Variants in MAST2 observed in about 807,000 individuals in gnomAD.
The protein encoded by MAST2 is microtubule associated serine/threonine kinase 2, also known as microtubule-associated serine/threonine-protein kinase 2.
A neutral mutation model predicts 147.4 loss-of-function variants in MAST2; 70 were observed. That is an observed-to-expected ratio of 0.47 (90% CI 0.39 to 0.58). The LOEUF (loss-of-function observed/expected upper bound fraction) is 0.58, where lower values mean the gene tolerates loss of function less well. Among genes scored for constraint, MAST2 ranks in the 20% least tolerant of loss-of-function variants. The pLI, the probability that MAST2 is intolerant of heterozygous loss-of-function variation, is 0.00. For missense variants in MAST2, 2,080 were observed against 2,302.3 expected (o/e 0.90, Z 1.98); for synonymous variants, 869 against 896.8 (o/e 0.97, Z 0.55).
chr1:45,980,507 T>G (rs1288993689), intron 5 of MAST2, among the ~76,000 whole-genome samples: 2 of 152,186 alleles, frequency 1.3e-5, no homozygotes, highest in Non-Finnish European at 2.9e-5. Flanking sequence ...AGAATCAGTT[T>G]AAATATTTTC....
intron 3 of MAST2, among the ~76,000 whole-genome samples, chr1:45,830,130 T>C (rs1644908618): frequency 6.6e-6 from 1 of 150,902 alleles, no homozygotes; most frequent in Non-Finnish European, 1.5e-5. Context: ...GTGCTGGGAT[T>C]ACAGGTGTGG....
At chr1:45,826,502 A>G (rs1644796737) in intron 2 of MAST2, among the ~76,000 whole-genome samples, 1 of 151,944 alleles carries the variant, frequency 6.6e-6, no homozygotes, top group African/African-American at 2.4e-5. Flanking sequence ...ACAGGTGTGC[A>G]CCACCACACC....
intron 4 of MAST2, among the ~76,000 whole-genome samples, chr1:45,932,037 G>A (rs903859492): frequency 7.2e-5 from 11 of 152,192 alleles, no homozygotes; most frequent in Non-Finnish European, 1.2e-4. Context: ...ACAGGCTTTC[G>A]TTTTGTCCCA....
intron 4 of MAST2, among the ~76,000 whole-genome samples, chr1:45,904,494 G>A (rs1305382978): frequency 6.6e-6 from 1 of 150,938 alleles, no homozygotes; most frequent in Non-Finnish European, 1.5e-5. Flanking sequence ...TTTAGGCAGG[G>A]TCTGGCTATG....
At chr1:46,021,877 G>C in intron 11 of MAST2, 73 bp from the exon 12 acceptor site, 1 of 1,469,224 alleles carries the variant, frequency 6.8e-7, no homozygotes, top group Non-Finnish European at 9.5e-7. Context: ...TCTACTATAT[G>C]CTGTAAAACC....
intron 5 of MAST2, among the ~76,000 whole-genome samples, chr1:45,972,725 C>A (rs1643966545): frequency 6.6e-6 from 1 of 152,220 alleles, no homozygotes; most frequent in South Asian, 2.1e-4. Context: ...TGAACATTCC[C>A]TGCTCTGTCT....
intron 3 of MAST2, among the ~76,000 whole-genome samples, chr1:45,836,289 G>A (rs1356484874): frequency 2.0e-5 from 3 of 152,054 alleles, no homozygotes; most frequent in South Asian, 4.2e-4. Flanking sequence ...CCATCATAGT[G>A]GGTGTCAAGT....
At position 46,034,067 on chromosome 1, in the gene MAST2, C is replaced by A; in HGVS notation, c.3675-6C>A. On this transcript the variant is annotated splice_polypyrimidine_tract_variant and splice_region_variant and intron_variant, in intron 27 of 28. Coordinates refer to ENST00000361297, the MANE Select transcript of MAST2 (RefSeq NM_015112.3). ...CCGACTCAGCCTTTGACCCTTATCC[C>A]CGCAGCAGAAAAAGGAGCTCCCTGT... 6.2e-7 allele frequency: 1 copy of A among 1,611,986 alleles called. No individual in the cohort carries two copies. Among genetic ancestry groups the A allele is most frequent in the Non-Finnish European group, 8.5e-7 (1 of 1,178,866 alleles).
chr1:45,831,660 G>A (rs1041118592), intron 3 of MAST2, among the ~76,000 whole-genome samples: 4 of 151,778 alleles, frequency 2.6e-5, no homozygotes, highest in African/African-American at 9.7e-5. Context: ...TTTTTTTCCC[G>A]AAGCATTTCA....
chr1:46,019,576 A>G lies in MAST2; in HGVS notation c.1189-20A>G, dbSNP rs767486604. On this transcript the variant is annotated intron_variant, in intron 10 of 28. Coordinates refer to ENST00000361297, the MANE Select transcript of MAST2 (RefSeq NM_015112.3). ...GCCACACTGGGCCAATAGATTAAGC[A>G]ACGCTTCTTTTCTCTATAGGCTCAT... is the stretch of plus-strand genomic sequence containing the variant. The G allele has an allele frequency of 2.5e-6, 4 of 1,605,296 alleles. No individual in the cohort carries two copies. In the East Asian group the frequency reaches 8.9e-5, roughly 36 times the overall value.
intron 5 of MAST2, among the ~76,000 whole-genome samples, chr1:45,993,599 T>C (rs1644932295): frequency 1.3e-5 from 2 of 152,076 alleles, no homozygotes; most frequent in Admixed American, 1.3e-4. Flanking sequence ...CAGGAGAATC[T>C]TTTGAACCCA....
At chr1:46,022,133 C>T in intron 12 of MAST2, 51 bp downstream of exon 12, 1 of 1,605,922 alleles carries the variant, frequency 6.2e-7, no homozygotes, top group Non-Finnish European at 8.5e-7. Flanking sequence ...TGCTGGCAAG[C>T]TCTAACAGCA....
chr1:45,939,267 A>T (rs532172585), intron 4 of MAST2, among the ~76,000 whole-genome samples: 23 of 152,144 alleles, frequency 1.5e-4, no homozygotes, highest in Non-Finnish European at 1.3e-4. Context: ...TGGAAAGGGT[A>T]TCCTTCTACT....
At chr1:46,021,058 TAGAG>T (rs1404665285) in intron 11 of MAST2, among the ~76,000 whole-genome samples, 3 of 152,044 alleles carry the variant, frequency 2.0e-5, no homozygotes, top group Non-Finnish European at 2.9e-5. Flanking sequence ...GGTAGGATAA[TAGAG>T]AGAAAGAGGT....
intron 4 of MAST2, among the ~76,000 whole-genome samples, chr1:45,936,761 T>G (rs1656262801): frequency 6.6e-6 from 1 of 152,168 alleles, no homozygotes; most frequent in South Asian, 2.1e-4. Flanking sequence ...CCCAGCCACA[T>G]GGCCACCATC....
chr1:45,812,223 C>A (rs777292499), intron 1 of MAST2, among the ~76,000 whole-genome samples: 6 of 152,050 alleles, frequency 3.9e-5, no homozygotes, highest in Non-Finnish European at 8.8e-5. Context: ...TCCCTCTTAT[C>A]CAGGGTATGG....
rs61696475 is a variant in MAST2, at chr1:45,838,215, C to CTT, written c.468+8655_468+8656dup. On this transcript the variant is annotated intron_variant, in intron 3 of 28. Transcript: ENST00000361297. ...TGCTTATTTGCCAATTATATATATT[C>CTT]TTTTTTTTTTTTTTTTTTTTTTGAG... is the stretch of plus-strand genomic sequence containing the variant. 1.7e-3 allele frequency among the ~76,000 whole-genome samples: 169 copies of CTT among 97,952 alleles called. 1 individual carries two copies. The highest frequency in any genetic ancestry group is 2.5e-3 in the Non-Finnish European group (129 of 50,746). The allele number at this position is 97,952 out of a possible 152,430, so 64.3% of individuals were successfully genotyped here.
In MAST2 at chr1:46,031,483, C is replaced by G; in HGVS notation, c.3085C>G (p.Arg1029Gly). 1 of 1,614,130 alleles carries G rather than the reference C, an allele frequency of 6.2e-7. No homozygotes were observed. Among genetic ancestry groups the G allele is most frequent in the Non-Finnish European group, 8.5e-7 (1 of 1,180,022 alleles). The change falls in exon 24 of 29, where the codon CGG (arginine) becomes GGG (glycine). Residue 1029 changes from arginine to glycine, a missense_variant. Around this residue, in one of 4 missense-constraint regions of MAST2, gnomAD observed 1,278 missense variants for 1,304.2 expected, o/e 0.98. Coordinates refer to ENST00000361297, the MANE Select transcript of MAST2 (RefSeq NM_015112.3). This position sits in a 1 kb window ranked among gnomAD's most constrained non-coding sequence, Gnocchi z 4.1. Reference protein sequence around the residue: ...SDLAVRRARHRLLSGDSTEKR... With the variant: ...SDLAVRRARHGLLSGDSTEKR... ...CCTGGCTGTGCGTAGGGCCCGCCAC[C>G]GGCTGCTCTCTGGGGACTCAACAGA...
At position 45,839,798 on chromosome 1, in the gene MAST2, G is replaced by A. The variant is rs1488040054; in HGVS notation, c.468+10217G>A. ...CTTTGTATAAAGGAACAGTAATCGG[G>A]TCAGTGTGATTATTGGTATAAGGAT... On this transcript the variant is annotated intron_variant, in intron 3 of 28. Transcript: ENST00000361297. 2.0e-5 allele frequency among the ~76,000 whole-genome samples: 3 copies of A among 152,158 alleles called. No homozygotes were observed. The East Asian group carries it at 5.8e-4, about 29-fold the overall frequency.
Sources: allele counts gnomAD v4.1 joint callset (sites outside exome capture counted in the v4.1 genomes callset), GRCh38; gene constraint gnomAD v4.1.1; regional missense constraint gnomAD v4.1.1; non-coding constraint Gnocchi (gnomAD v3.1); transcripts MANE v1.5; gene names NCBI Gene and HGNC (gene_info 2026-07-23, HGNC 2026-07-21).